Variants in HNRNPUL1 observed in about 807,000 individuals in gnomAD.
The protein encoded by HNRNPUL1 is heterogeneous nuclear ribonucleoprotein U-like protein 1.
HNRNPUL1 carries 14 observed loss-of-function variants against 108.5 expected under a neutral mutation model. That is an observed-to-expected ratio of 0.13 (90% CI 0.09 to 0.20). HNRNPUL1 has a LOEUF of 0.20. Among genes scored for constraint, HNRNPUL1 ranks in the 10% least tolerant of loss-of-function variants. HNRNPUL1 has a pLI of 1.00. For synonymous variants in HNRNPUL1, 422 were observed against 445.2 expected (o/e 0.95, Z 0.66); for missense variants, 804 against 1,168.3 (o/e 0.69, Z 4.55).
intron 10 of HNRNPUL1, among the ~76,000 whole-genome samples, chr19:41,295,221 C>G (rs941710322): frequency 2.0e-5 from 3 of 152,164 alleles, no homozygotes; most frequent in Admixed American, 6.5e-5. Context: ...GTCATTTTCT[C>G]TTCACAAATA....
chr19:41,306,101 AGT>A (rs1322613688), intron 14 of HNRNPUL1, among the ~76,000 whole-genome samples: 22 of 152,284 alleles, frequency 1.4e-4, no homozygotes, highest in Non-Finnish European at 2.6e-4. Context: ...GGCTGGCCTA[AGT>A]ACCAGGGGCC....
chr19:41,301,729 GA>G, intron 11 of HNRNPUL1, 25 bp downstream of exon 11: 5 of 1,596,444 alleles, frequency 3.1e-6, no homozygotes, highest in Non-Finnish European at 4.3e-6. Context: ...CTTCCCAGAG[GA>G]ACGTCAATGC....
chr19:41,268,468 A>G (rs1006902697), intron 2 of HNRNPUL1, 123 bp downstream of exon 2: 1 of 1,016,310 alleles, frequency 9.8e-7, no homozygotes, highest in Admixed American at 2.9e-5. Flanking sequence ...AGTTCATCTA[A>G]ACATTGTCAC....
intron 7 of HNRNPUL1, among the ~76,000 whole-genome samples, chr19:41,281,539 T>C (rs1297169101): frequency 6.6e-6 from 1 of 152,088 alleles, no homozygotes; most frequent in Non-Finnish European, 1.5e-5. Context: ...CCTCCGTTCC[T>C]AGGTACCAGA....
intron 7 of HNRNPUL1, among the ~76,000 whole-genome samples, chr19:41,282,476 C>T (rs2035955615): frequency 6.6e-6 from 1 of 152,110 alleles, no homozygotes; most frequent in Admixed American, 6.6e-5. Context: ...ACCACCACGC[C>T]TGGCCCCTTC....
At chr19:41,266,664 C>T (rs984075974) in intron 1 of HNRNPUL1, among the ~76,000 whole-genome samples, 2 of 151,754 alleles carry the variant, frequency 1.3e-5, no homozygotes, top group African/African-American at 2.4e-5. Flanking sequence ...GGGATTCTGG[C>T]GTAAGAGTTT....
chr19:41,302,841 G>A lies in HNRNPUL1; in HGVS notation c.1864G>A (p.Gly622Ser). 5 of 1,592,270 alleles carry A rather than the reference G, an allele frequency of 3.1e-6. No homozygotes were observed. The highest frequency in any genetic ancestry group is 1.3e-5 in the African/African-American group (1 of 74,466). Residue 622 changes from glycine (G) to serine (S), a missense_variant, in exon 12 of 15, where the codon GGT becomes AGT. Gly to Ser is a moderately conservative substitution (Grantham distance 56, BLOSUM62 0). Transcript: ENST00000392006. ...RGGGGFRGRGGGGGFQRYENR... is the reference protein window; with the variant it reads ...RGGGGFRGRGSGGGFQRYENR... ...TGGTGGTGGCTTCCGGGGCCGCGGG[G>A]GTGGTGGTGGCTTCCAGCGCTATGA...
Position 41,294,547 on chromosome 19 carries a change from C to G in HNRNPUL1, c.1390-11C>G. 1 of 1,614,056 alleles carries G rather than the reference C, an allele frequency of 6.2e-7. No individual in the cohort carries two copies. The highest frequency in any genetic ancestry group is 8.5e-7 in the Non-Finnish European group (1 of 1,179,926). On this transcript the variant is annotated splice_polypyrimidine_tract_variant and intron_variant, in intron 9 of 14. Transcript: ENST00000392006. This position sits in a 1 kb window ranked among gnomAD's most constrained non-coding sequence, Gnocchi z 4.3. ...TAAAATCACTCACCCCTCACCAATT[C>G]CTGCCCGCAGGTGATGGGCCTACGC...
intron 13 of HNRNPUL1, among the ~76,000 whole-genome samples, chr19:41,304,716 GAGC>G (rs1459252717): frequency 6.6e-6 from 1 of 152,166 alleles, no homozygotes; most frequent in Admixed American, 6.5e-5. Context: ...CTTCAATCCT[GAGC>G]AGCTCCAGGC....
rs767956686 is a variant in HNRNPUL1, at chr19:41,301,559, G to A, written c.1542G>A (p.Gln514=). ...LDQTNVYGSA[Q]RRKMRPFEGF... is the part of the protein sequence containing the mutation. ...AGACAAATGTTTATGGGTCAGCCCA[G>A]AGACGAAAAATGAGACCATTTGAAG... Residue 514 remains glutamine (Q), a synonymous_variant, in exon 11 of 15, where the codon CAG becomes CAA. Coordinates refer to ENST00000392006, the MANE Select transcript of HNRNPUL1 (RefSeq NM_007040.6). 1.2e-5 allele frequency: 20 copies of A among 1,613,948 alleles called. No homozygotes were observed. The highest frequency in any genetic ancestry group is 1.1e-4 in the African/African-American group (8 of 74,928).
At position 41,284,294 on chromosome 19, in the gene HNRNPUL1, G is replaced by A. The variant is rs532521090; in HGVS notation, c.999+3019G>A. Among the ~76,000 whole-genome samples the A allele has an allele frequency of 3.4e-4, 52 of 152,050 alleles. 2 individuals are homozygous for A. The South Asian group carries it at 9.5e-3, about 28-fold the overall frequency. On this transcript the variant is annotated intron_variant, in intron 7 of 14. Coordinates refer to ENST00000392006, the MANE Select transcript of HNRNPUL1 (RefSeq NM_007040.6). The stretch of plus-strand genomic sequence containing the variant: ...ATCCAGCATAAGGACCACTGTAAAC[G>A]AAAAAAAGAAAAAATTCCCGAAGCC...
rs1183476412 is a variant in HNRNPUL1 at position 41,277,588 on chromosome 19, C to T, written c.786+1290C>T. On this transcript the variant is annotated intron_variant, in intron 5 of 14. Transcript: ENST00000392006. ...GTGGCGCGATCTCGGCTCACTGCAACCTCTGCCTCCCGGGTTCAAGCAATT... is the reference window on the plus strand; with the variant it reads ...GTGGCGCGATCTCGGCTCACTGCAATCTCTGCCTCCCGGGTTCAAGCAATT... Among the ~76,000 whole-genome samples the T allele has an allele frequency of 2.0e-5, 3 of 152,142 alleles. No homozygotes were observed. In the East Asian group the frequency reaches 5.8e-4, roughly 29 times the overall value.
At chr19:41,266,520 T>C (rs2122387985) in intron 1 of HNRNPUL1, among the ~76,000 whole-genome samples, 1 of 152,204 alleles carries the variant, frequency 6.6e-6, no homozygotes, top group South Asian at 2.1e-4. Context: ...CTTGAACTCC[T>C]GGGTTCAGGT....
At chr19:41,296,483 T>C (rs2036903231) in intron 10 of HNRNPUL1, among the ~76,000 whole-genome samples, 1 of 152,206 alleles carries the variant, frequency 6.6e-6, no homozygotes, top group African/African-American at 2.4e-5. Context: ...AGGAGGGTTC[T>C]CTGGTTAACC....
chr19:41,295,024 G>A (rs1207716783), intron 10 of HNRNPUL1, among the ~76,000 whole-genome samples: 1 of 152,168 alleles, frequency 6.6e-6, no homozygotes, highest in Non-Finnish European at 1.5e-5. Context: ...GTGCCTTTGG[G>A]CAGCTGACTT....
At position 41,292,672 on chromosome 19, in the gene HNRNPUL1, A is replaced by G. The variant is rs535018903; in HGVS notation, c.1266+161A>G. Among the ~76,000 whole-genome samples the G allele has an allele frequency of 1.3e-5, 2 of 152,038 alleles. No individual in the cohort carries two copies. The highest frequency in any genetic ancestry group is 4.1e-4 in the South Asian group (2 of 4,824). On this transcript the variant is annotated intron_variant, in intron 8 of 14. Transcript: ENST00000392006. The surrounding 1 kb of genome is among the most constrained non-coding windows in gnomAD (Gnocchi z 4.1). ...GACTCAGAGCTGAAAAGCTGCTCTG[A>G]GTGTGAGGTGAGGGGTGTTGGTGTG...
intron 6 of HNRNPUL1, among the ~76,000 whole-genome samples, chr19:41,279,486 A>G (rs2035778965): frequency 2.0e-5 from 3 of 152,238 alleles, no homozygotes; most frequent in Admixed American, 6.5e-5. Context: ...CTGCCCTTAA[A>G]CCAAGCTGCT....
chr19:41,267,890 CT>C, intron 1 of HNRNPUL1, among the ~76,000 whole-genome samples: 1 of 152,354 alleles, frequency 6.6e-6, no homozygotes, highest in East Asian at 1.9e-4. Context: ...GAGTCATTAC[CT>C]GTGTATCCTT....
chr19:41,281,242 G>C lies in HNRNPUL1; in HGVS notation c.966G>C (p.Lys322Asn). The C allele has an allele frequency of 1.9e-6, 3 of 1,614,126 alleles. No homozygotes were observed. The highest frequency in any genetic ancestry group is 2.5e-6 in the Non-Finnish European group (3 of 1,179,980). The change falls in exon 7 of 15, where the codon AAG (lysine) becomes AAC (asparagine). Residue 322 changes from lysine (K) to asparagine (N), a missense_variant. Physicochemically the swap from Lys to Asn is moderately conservative, Grantham distance 94. This residue lies in a region of HNRNPUL1 where 174 missense variants were observed against 296.6 expected (regional missense o/e 0.59). Transcript: ENST00000392006. ...GCCGGTTTGAAAACTACGGAGACAA[G>C]TTTGCAGAGAACGATGTGATTGGCT... ...TNSRFENYGD[K>N]FAENDVIGCF...
Sources: allele counts gnomAD v4.1 joint callset (sites outside exome capture counted in the v4.1 genomes callset), GRCh38; gene constraint gnomAD v4.1.1; regional missense constraint gnomAD v4.1.1; non-coding constraint Gnocchi (gnomAD v3.1); transcripts MANE v1.5; gene names NCBI Gene and HGNC (gene_info 2026-07-23, HGNC 2026-07-21).